Variants in PIGN observed in about 807,000 individuals in gnomAD.
PIGN encodes the protein GPI ethanolamine phosphate transferase 1.
In PIGN, 117 loss-of-function variants were observed where a neutral mutation model predicts 125.4. That is an observed-to-expected ratio of 0.93 (90% CI 0.80 to 1.09). PIGN has a LOEUF of 1.09. Among genes scored for constraint, PIGN ranks in the 50% least tolerant of loss-of-function variants. The pLI, the probability that PIGN is intolerant of heterozygous loss-of-function variation, is 0.00. For missense variants in PIGN, 1,075 were observed against 1,094.9 expected (o/e 0.98, Z 0.26); for synonymous variants, 392 against 377.8 (o/e 1.04, Z -0.44).
intron 23 of PIGN, among the ~76,000 whole-genome samples, chr18:62,034,204 G>A (rs1382090912): frequency 6.6e-6 from 1 of 152,232 alleles, no homozygotes; most frequent in Non-Finnish European, 1.5e-5. Context: ...ACCCATTGGT[G>A]AATGGCTAGA....
At chr18:62,020,376 G>C (rs1238304183) in intron 23 of PIGN, among the ~76,000 whole-genome samples, 1 of 152,136 alleles carries the variant, frequency 6.6e-6, no homozygotes, top group African/African-American at 2.4e-5. Flanking sequence ...ATAATTTATA[G>C]CATACAATAC....
intron 1 of PIGN, among the ~76,000 whole-genome samples, chr18:62,183,018 A>G (rs1055271795): frequency 1.3e-5 from 2 of 152,204 alleles, no homozygotes; most frequent in African/African-American, 2.4e-5. Flanking sequence ...TAAGTTCAAG[A>G]GCTCTGTTGT....
At chr18:62,135,837 A>C (rs1462445569) in intron 14 of PIGN, 1 of 152,008 alleles carries the variant, frequency 6.6e-6, no homozygotes, top group African/African-American at 2.4e-5. Flanking sequence ...CACACTGGCC[A>C]GGCTCCTAAC....
At chr18:62,047,414 G>T (rs2030817706) in intron 30 of PIGN, among the ~76,000 whole-genome samples, 1 of 152,214 alleles carries the variant, frequency 6.6e-6, no homozygotes, top group Non-Finnish European at 1.5e-5. Flanking sequence ...CATGTCAGAG[G>T]AGGCCTAGTG....
intron 1 of PIGN, among the ~76,000 whole-genome samples, chr18:62,181,028 T>C (rs997635598): frequency 6.6e-6 from 1 of 152,190 alleles, no homozygotes; most frequent in African/African-American, 2.4e-5. Flanking sequence ...TAATTATTTG[T>C]ATATGGTGTG....
chr18:62,085,158 G>T, intron 26 of PIGN, 51 bp downstream of exon 26: 1 of 994,784 alleles, frequency 1.0e-6, no homozygotes, highest in Non-Finnish European at 1.5e-6. Flanking sequence ...AGAAGTCCCA[G>T]GTTGCATTAT....
intron 22 of PIGN, 149 bp downstream of exon 22, chr18:62,100,926 C>A: frequency 1.6e-6 from 1 of 640,066 alleles, no homozygotes. Context: ...TGTTAAATTC[C>A]AGCAAGAGAT....
intron 1 of PIGN, among the ~76,000 whole-genome samples, chr18:62,170,192 T>C (rs914411747): frequency 1.3e-5 from 2 of 152,332 alleles, no homozygotes; most frequent in South Asian, 4.1e-4. Flanking sequence ...TTTAATTAGA[T>C]TGTGTTCTTG....
chr18:62,131,352 T>C (rs530607175), intron 14 of PIGN, among the ~76,000 whole-genome samples: 132 of 152,336 alleles, frequency 8.7e-4, no homozygotes, highest in African/African-American at 3.0e-3. Context: ...AGAGATCTTT[T>C]TTGCTTTCTT....
In PIGN at chr18:62,045,841, G is replaced by C; in HGVS notation, c.*15C>G. 1 of 1,612,594 alleles carries C rather than the reference G, an allele frequency of 6.2e-7. No individual in the cohort carries two copies. Among genetic ancestry groups the C allele is most frequent in the Non-Finnish European group, 8.5e-7 (1 of 1,178,992 alleles). ...GAGAATCAGGATCCAGATGCTGAAT[G>C]GTGCTTCAGCAACCTCACATGAAGT... On this transcript the variant is annotated 3_prime_UTR_variant, in exon 31 of 31. Coordinates refer to ENST00000640252, the MANE Select transcript of PIGN (RefSeq NM_176787.5).
At chr18:62,092,132 C>A (rs1162061999) in intron 23 of PIGN, among the ~76,000 whole-genome samples, 4 of 152,094 alleles carry the variant, frequency 2.6e-5, no homozygotes, top group Non-Finnish European at 4.4e-5. Context: ...ATATATAAGA[C>A]TTAGAAGGCC....
chr18:62,085,873 G>A (rs1264050195), intron 25 of PIGN, among the ~76,000 whole-genome samples: 1 of 152,160 alleles, frequency 6.6e-6, no homozygotes, highest in Non-Finnish European at 1.5e-5. Flanking sequence ...TTAAAATGGT[G>A]CCTAGCCCAC....
At chr18:62,025,799 C>T (rs950306829) in intron 23 of PIGN, among the ~76,000 whole-genome samples, 2 of 152,174 alleles carry the variant, frequency 1.3e-5, no homozygotes, top group South Asian at 2.1e-4. Context: ...ACTTCTCCAT[C>T]CCCCTCAGCC....
Position 62,171,902 on chromosome 18 carries a change from A to G in PIGN, c.-235-8246T>C, listed in dbSNP as rs866927340. Among the ~76,000 whole-genome samples the G allele has an allele frequency of 7.2e-5, 11 of 152,290 alleles. No homozygotes were observed. The Middle Eastern group carries it at 0.01, about 141-fold the overall frequency. On this transcript the variant is annotated intron_variant, in intron 1 of 30. Coordinates refer to ENST00000640252, the MANE Select transcript of PIGN (RefSeq NM_176787.5). ...TTTACCATTTTTTGCAGCAAAGTTT[A>G]TGAAAGATATAAGACTATAATTTTC...
chr18:62,065,460 G>A (rs11665204), intron 30 of PIGN, among the ~76,000 whole-genome samples: 28 of 152,054 alleles, frequency 1.8e-4, no homozygotes, highest in African/African-American at 6.8e-4. Context: ...CAGGCTTGGC[G>A]GGGCGTGGTG....
chr18:62,141,297 A>G, intron 11 of PIGN, among the ~76,000 whole-genome samples: 1 of 152,232 alleles, frequency 6.6e-6, no homozygotes, highest in Non-Finnish European at 1.5e-5. Context: ...CAGAGGTGTG[A>G]CAGGATTAAA....
rs142370137 is a variant in PIGN, at chr18:62,100,509, G to C, written c.2077+566C>G. Among the ~76,000 whole-genome samples, 1,140 of 152,264 alleles carry C rather than the reference G, an allele frequency of 7.5e-3. 5 individuals are homozygous for C. The highest frequency in any genetic ancestry group is 0.012 in the Non-Finnish European group (799 of 67,990). ...AGTGTCTTTTCTGAACAAAAAACTT[G>C]AGCTCAAAACTTGCTCTTGTCTTCC... On this transcript the variant is annotated intron_variant, in intron 22 of 30. Transcript: ENST00000640252.
At chr18:62,135,012 G>C (rs1285546616) in intron 14 of PIGN, among the ~76,000 whole-genome samples, 1 of 152,058 alleles carries the variant, frequency 6.6e-6, no homozygotes, top group African/African-American at 2.4e-5. Flanking sequence ...CATTTAGTTT[G>C]AGGTCCACTC....
intron 23 of PIGN, among the ~76,000 whole-genome samples, chr18:62,019,816 T>G (rs1328891608): frequency 6.6e-6 from 1 of 152,206 alleles, no homozygotes; most frequent in African/African-American, 2.4e-5. Context: ...TTTTCAGACA[T>G]TGGGTAAAAG....
Sources: allele counts gnomAD v4.1 joint callset (sites outside exome capture counted in the v4.1 genomes callset), GRCh38; gene constraint gnomAD v4.1.1; transcripts MANE v1.5; gene names NCBI Gene and HGNC (gene_info 2026-07-23, HGNC 2026-07-21).